Variants in UBE2E2 observed in about 807,000 individuals in gnomAD.
UBE2E2 encodes the protein ubiquitin conjugating enzyme E2 E2, also known as ubiquitin-conjugating enzyme E2 E2.
UBE2E2 carries 6 observed loss-of-function variants against 24.7 expected under a neutral mutation model. That is an observed-to-expected ratio of 0.24 (90% CI 0.13 to 0.48). The LOEUF is 0.48. Ranked by LOEUF, UBE2E2 falls within the 20% of genes least tolerant of loss-of-function variation. UBE2E2 has a pLI of 0.99. For synonymous variants in UBE2E2, 104 were observed against 83.6 expected, an observed-to-expected ratio of 1.24 and a Z score of -1.33; for missense variants, 169 against 245.0, an observed-to-expected ratio of 0.69 and a Z score of 2.07.
At chr3:23,457,387 A>G (rs1698702092) in intron 3 of UBE2E2, among the ~76,000 whole-genome samples, 2 of 152,170 alleles carry the variant, frequency 1.3e-5, no homozygotes, top group African/African-American at 4.8e-5. Flanking sequence ...TGGATACCCA[A>G]AAACCCAGGG....
chr3:23,387,699 T>G (rs1397193723), intron 3 of UBE2E2, among the ~76,000 whole-genome samples: 1 of 152,148 alleles, frequency 6.6e-6, no homozygotes, highest in Non-Finnish European at 1.5e-5. Context: ...ACCGTTGAAG[T>G]GTAGGTATGA....
intron 5 of UBE2E2, among the ~76,000 whole-genome samples, chr3:23,577,582 C>T (rs934602948): frequency 6.6e-6 from 1 of 152,082 alleles, no homozygotes; most frequent in Middle Eastern, 3.2e-3. Context: ...TGAGGGTGAC[C>T]AAGGAACAAG....
intron 3 of UBE2E2, among the ~76,000 whole-genome samples, chr3:23,298,566 T>C (rs2125258126): frequency 6.6e-6 from 1 of 152,096 alleles, no homozygotes; most frequent in South Asian, 2.1e-4. Context: ...TTGTCTTTGG[T>C]TCTGTTTATA....
At chr3:23,565,093 G>A (rs1397166339) in intron 5 of UBE2E2, among the ~76,000 whole-genome samples, 2 of 151,984 alleles carry the variant, frequency 1.3e-5, no homozygotes, top group East Asian at 1.9e-4. Flanking sequence ...ACACAGACAC[G>A]CTTTTGTTCC....
chr3:23,447,825 T>C (rs766479092), intron 3 of UBE2E2, among the ~76,000 whole-genome samples: 8 of 152,202 alleles, frequency 5.3e-5, no homozygotes, highest in Admixed American at 1.3e-4. Flanking sequence ...TGTAAAGTGA[T>C]GGTGCACCTT....
At chr3:23,224,156 G>GTTTTTTTTTTTTTTTTT (rs531661466) in intron 3 of UBE2E2, among the ~76,000 whole-genome samples, 5 of 93,718 alleles carry the variant, frequency 5.3e-5, no homozygotes, top group African/African-American at 8.1e-5. Context: ...TAAATTTTAG[G>GTTTTTTTTTTTTTTTTT]TTTTTTTTTT....
At chr3:23,343,709 C>T (rs1263122628) in intron 3 of UBE2E2, among the ~76,000 whole-genome samples, 1 of 152,196 alleles carries the variant, frequency 6.6e-6, no homozygotes, top group Admixed American at 6.5e-5. Context: ...GCCAGCCCTC[C>T]TTTCCAAGGA....
chr3:23,230,264 AC>A (rs1379030949), intron 3 of UBE2E2, among the ~76,000 whole-genome samples: 3 of 152,216 alleles, frequency 2.0e-5, no homozygotes, highest in East Asian at 1.9e-4. Flanking sequence ...GGCTACTGAA[AC>A]TGGAAAGTTT....
At chr3:23,560,915 G>A (rs1695912487) in intron 5 of UBE2E2, among the ~76,000 whole-genome samples, 1 of 151,968 alleles carries the variant, frequency 6.6e-6, no homozygotes, top group East Asian at 2.0e-4. Context: ...TGATGGGGTT[G>A]TTTGTTTTTT....
At chr3:23,406,296 C>T (rs1025065518) in intron 3 of UBE2E2, among the ~76,000 whole-genome samples, 1 of 152,116 alleles carries the variant, frequency 6.6e-6, no homozygotes, top group African/African-American at 2.4e-5. Context: ...ACAAATAATG[C>T]AGCATACTGG....
intron 3 of UBE2E2, among the ~76,000 whole-genome samples, chr3:23,374,387 A>T (rs73138415): frequency 0.041 from 6,229 of 152,282 alleles, 438 homozygotes; most frequent in African/African-American, 0.14. Flanking sequence ...ATGTATAGGT[A>T]TAAAATTGAA....
rs6550751 is a variant in UBE2E2, at chr3:23,291,897, G to T, written c.227+74585G>T. ...TTTTTGAGACAGAGTCTCGCTCTTT[G>T]GCCCAGGCCAGAGTGCAGTGGCACG... On this transcript the variant is annotated intron_variant, in intron 3 of 5. Transcript: ENST00000396703. 6.4e-4 allele frequency among the ~76,000 whole-genome samples: 85 copies of T among 132,928 alleles called. 1 individual carries two copies. The highest frequency in any genetic ancestry group is 2.4e-3 in the African/African-American group (80 of 32,870). The allele number at this position is 132,928 out of a possible 152,430, so 87.2% of individuals were successfully genotyped here. A position where few individuals can be genotyped will look rare whatever the true frequency, so the allele number is the denominator to read the frequency against.
At chr3:23,363,814 ACT>A (rs1384377755) in intron 3 of UBE2E2, among the ~76,000 whole-genome samples, 2 of 151,932 alleles carry the variant, frequency 1.3e-5, no homozygotes, top group Non-Finnish European at 2.9e-5. Flanking sequence ...CATCTACAGA[ACT>A]CTCTACCCAA....
intron 4 of UBE2E2, among the ~76,000 whole-genome samples, chr3:23,518,924 T>C (rs1426656132): frequency 6.6e-6 from 1 of 152,218 alleles, no homozygotes; most frequent in Non-Finnish European, 1.5e-5. Context: ...GTTAGTGTCA[T>C]CTACCACAAA....
intron 5 of UBE2E2, among the ~76,000 whole-genome samples, chr3:23,536,251 A>G (rs147488414): frequency 1.1e-4 from 17 of 152,330 alleles, no homozygotes; most frequent in African/African-American, 4.1e-4. Flanking sequence ...TATTTAAAAA[A>G]TGGGTATTTT....
In UBE2E2 at chr3:23,589,915, C is replaced by G. The variant is rs935954698; in HGVS notation, c.*84C>G. 1 of 1,296,392 alleles carries G rather than the reference C, an allele frequency of 7.7e-7. No individual in the cohort carries two copies. The highest frequency in any genetic ancestry group is 1.1e-6 in the Non-Finnish European group (1 of 919,048). The allele number at this position is 1,296,392 out of a possible 1,614,324, so 80.3% of individuals were successfully genotyped here. ...TAGCCCTGCCCACCCCTCCAGACCT[C>G]GGTTCTTATTTTCCTATTTTTATTA... is the stretch of plus-strand genomic sequence containing the variant. On this transcript the variant is annotated 3_prime_UTR_variant, in exon 6 of 6. Transcript: ENST00000396703. The surrounding 1 kb of genome is among the most constrained non-coding windows in gnomAD (Gnocchi z 4.1).
intron 3 of UBE2E2, among the ~76,000 whole-genome samples, chr3:23,444,028 C>T (rs1310097725): frequency 2.0e-5 from 3 of 148,142 alleles, no homozygotes; most frequent in Admixed American, 1.3e-4. Flanking sequence ...TGATACACAT[C>T]TTCTATCACT....
At chr3:23,479,577 C>T (rs1699211234) in intron 3 of UBE2E2, among the ~76,000 whole-genome samples, 1 of 152,182 alleles carries the variant, frequency 6.6e-6, no homozygotes, top group Admixed American at 6.5e-5. Context: ...TGTATTACAG[C>T]TCTTTCAGTC....
rs1699057345 is a variant in UBE2E2, at chr3:23,472,847, T to A, written c.228-26761T>A. Among the ~76,000 whole-genome samples, 3 of 151,948 alleles carry A rather than the reference T, an allele frequency of 2.0e-5. 1 individual carries two copies. In the South Asian group the frequency reaches 6.2e-4, roughly 32 times the overall value. Reference sequence around the variant, plus strand: ...TTGTTACTTTTTGTAGAGACAGGGTTTTGCTGTATTGCCTATGCTGGTCTC... The same window carrying A: ...TTGTTACTTTTTGTAGAGACAGGGTATTGCTGTATTGCCTATGCTGGTCTC... On this transcript the variant is annotated intron_variant, in intron 3 of 5. Coordinates refer to ENST00000396703, the MANE Select transcript of UBE2E2 (RefSeq NM_152653.4).
Sources: gnomAD v4.1 joint callset for allele counts (sites outside exome capture counted in the v4.1 genomes callset) on GRCh38, gnomAD v4.1.1 for gene constraint, Gnocchi (gnomAD v3.1) non-coding constraint, MANE v1.5 for transcripts, NCBI Gene and HGNC (gene_info 2026-07-23, HGNC 2026-07-21) for gene names.